Variants in MAP2K1 observed in about 807,000 individuals in gnomAD.
The protein encoded by MAP2K1 is mitogen-activated protein kinase kinase 1.
In MAP2K1, 16 loss-of-function variants were observed where a neutral mutation model predicts 46.3. The observed-to-expected ratio is 0.35, with a 90% CI of 0.23 to 0.52. MAP2K1 has a LOEUF of 0.52. Ranked by LOEUF, MAP2K1 falls within the 20% of genes least tolerant of loss-of-function variation. The probability of loss-of-function intolerance (pLI) is 0.94; values close to 1 mark genes in which losing one functional copy is unlikely to be tolerated. For synonymous variants in MAP2K1, 183 were observed against 185.6 expected, an observed-to-expected ratio of 0.99 and a Z score of 0.11; for missense variants, 263 against 497.1, an observed-to-expected ratio of 0.53 and a Z score of 4.48.
Position 66,435,155 on chromosome 15 carries a change from A to G in MAP2K1, c.209A>G (p.Lys70Arg), listed in dbSNP as rs2140579433. ...VGELKDDDFE[K>R]ISELGAGNGG... ...GAACTGAAGGATGACGACTTTGAGAAGATCAGTGAGCTGGGGGCTGGCAAT... is the reference window on the plus strand; with the variant it reads ...GAACTGAAGGATGACGACTTTGAGAGGATCAGTGAGCTGGGGGCTGGCAAT... Residue 70 changes from lysine (K) to arginine (R), a missense_variant, in exon 2 of 11, where the codon AAG becomes AGG. This residue lies in a region of MAP2K1 where 103 missense variants were observed against 221.6 expected (regional missense o/e 0.46). Coordinates refer to ENST00000307102, the MANE Select transcript of MAP2K1 (RefSeq NM_002755.4). 3.1e-6 allele frequency: 5 copies of G among 1,614,124 alleles called. No individual in the cohort carries two copies. The highest frequency in any genetic ancestry group is 4.2e-6 in the Non-Finnish European group (5 of 1,180,014).
At chr15:66,468,061 C>G (rs1021321170) in intron 5 of MAP2K1, among the ~76,000 whole-genome samples, 1 of 152,206 alleles carries the variant, frequency 6.6e-6, no homozygotes, top group African/African-American at 2.4e-5. Flanking sequence ...GCTTATCTAT[C>G]AAAGATTTTA....
At chr15:66,392,254 G>T (rs899266594) in intron 1 of MAP2K1, among the ~76,000 whole-genome samples, 2 of 79,676 alleles carry the variant, frequency 2.5e-5, no homozygotes, top group Non-Finnish European at 2.2e-5. Flanking sequence ...GTTTTTTTTG[G>T]GTTTTTTTTT....
At chr15:66,391,434 G>A (rs929828322) in intron 1 of MAP2K1, among the ~76,000 whole-genome samples, 3 of 152,050 alleles carry the variant, frequency 2.0e-5, no homozygotes, top group Non-Finnish European at 2.9e-5. Context: ...GACTACAGGC[G>A]CCCACCACTG....
intron 5 of MAP2K1, among the ~76,000 whole-genome samples, chr15:66,467,344 A>G (rs1177450422): frequency 6.6e-6 from 1 of 152,216 alleles, no homozygotes; most frequent in East Asian, 1.9e-4. Context: ...GTCCTTGTTC[A>G]TTCCTGGGCA....
intron 6 of MAP2K1, among the ~76,000 whole-genome samples, chr15:66,483,119 T>TG (rs1319680316): frequency 6.6e-6 from 1 of 152,198 alleles, no homozygotes; most frequent in Non-Finnish European, 1.5e-5. Flanking sequence ...GAAAGCTAGC[T>TG]GCCCCCTTGC....
At chr15:66,388,397 C>T (rs1037805278) in intron 1 of MAP2K1, among the ~76,000 whole-genome samples, 4 of 152,066 alleles carry the variant, frequency 2.6e-5, no homozygotes, top group Non-Finnish European at 5.9e-5. Flanking sequence ...TTGTTGTTTG[C>T]CCAACCTTCA....
In MAP2K1 at chr15:66,420,771, ATATATG is replaced by A. The variant is rs1567003051; in HGVS notation, c.81-14254_81-14249del. Among the ~76,000 whole-genome samples the A allele has an allele frequency of 4.4e-3, 96 of 21,812 alleles. 6 individuals carry two copies. Among genetic ancestry groups the A allele is most frequent in the South Asian group, 0.013 (4 of 308 alleles). 14.3% of individuals were successfully genotyped at this position (21,812 alleles called of 152,430 possible). On this transcript the variant is annotated intron_variant, in intron 1 of 10. Coordinates refer to ENST00000307102, the MANE Select transcript of MAP2K1 (RefSeq NM_002755.4). Reference sequence around the variant, plus strand: ...TGTGTGTGTGTGTGTATGTGTGTATATATATGTGTATATATATGTGTGTATATATAT... The same window carrying A: ...TGTGTGTGTGTGTGTATGTGTGTATATGTATATATATGTGTGTATATATAT...
At chr15:66,423,473 C>G (rs1465309673) in intron 1 of MAP2K1, among the ~76,000 whole-genome samples, 1 of 149,016 alleles carries the variant, frequency 6.7e-6, no homozygotes, top group Non-Finnish European at 1.5e-5. Flanking sequence ...GAGTCTCACT[C>G]TTTTCACCCA....
intron 1 of MAP2K1, among the ~76,000 whole-genome samples, chr15:66,388,651 A>G (rs2093348921): frequency 1.3e-5 from 2 of 152,138 alleles, no homozygotes; most frequent in Admixed American, 1.3e-4. Flanking sequence ...GATTACAGGC[A>G]TGAGCCACTA....
intron 4 of MAP2K1, among the ~76,000 whole-genome samples, chr15:66,443,695 A>T (rs1333184261): frequency 3.3e-5 from 5 of 151,762 alleles, no homozygotes; most frequent in Non-Finnish European, 7.4e-5. Flanking sequence ...ACATGATGAG[A>T]CCTCGCTTCT....
At chr15:66,442,178 C>T (rs2093505986) in intron 3 of MAP2K1, among the ~76,000 whole-genome samples, 1 of 152,148 alleles carries the variant, frequency 6.6e-6, no homozygotes, top group South Asian at 2.1e-4. Flanking sequence ...TCTTGTTTGT[C>T]TCCCTCAGCT....
chr15:66,443,467 A>G (rs918671298), intron 4 of MAP2K1, 110 bp downstream of exon 4: 2 of 739,182 alleles, frequency 2.7e-6, no homozygotes, highest in African/African-American at 1.7e-5. Flanking sequence ...AAAGTTTATA[A>G]GAAAAGTGGT....
intron 5 of MAP2K1, among the ~76,000 whole-genome samples, chr15:66,450,012 A>G (rs1301978054): frequency 1.5e-5 from 2 of 132,500 alleles, no homozygotes; most frequent in East Asian, 2.2e-4. Flanking sequence ...GTAATCCAGC[A>G]TATAAACAGA....
intron 1 of MAP2K1, among the ~76,000 whole-genome samples, chr15:66,431,450 GA>G (rs886803924): frequency 4.8e-4 from 72 of 149,472 alleles, no homozygotes; most frequent in African/African-American, 1.2e-3. Flanking sequence ...TTCATTCTCT[GA>G]AAAAAAAAAT....
At chr15:66,448,449 G>A (rs1891938657) in intron 5 of MAP2K1, among the ~76,000 whole-genome samples, 1 of 152,196 alleles carries the variant, frequency 6.6e-6, no homozygotes, top group African/African-American at 2.4e-5. Context: ...AGCTAGGTGG[G>A]CTGTGTAGAA....
At position 66,387,440 on chromosome 15, in the gene MAP2K1, C is replaced by T. The variant is rs1595831286; in HGVS notation, c.80+13C>T. 1 of 1,552,860 alleles carries T rather than the reference C, an allele frequency of 6.4e-7. No individual in the cohort carries two copies. Among genetic ancestry groups the T allele is most frequent in the Non-Finnish European group, 8.7e-7 (1 of 1,147,606 alleles). ...CCAGCTCTGCGGAGTAAGTATGGGG[C>T]GGGCGGTGAACCTCGGGGCCCGGCT... On this transcript the variant is annotated intron_variant, in intron 1 of 10. Coordinates refer to ENST00000307102, the MANE Select transcript of MAP2K1 (RefSeq NM_002755.4).
chr15:66,413,737 A>G (rs950079090), intron 1 of MAP2K1, among the ~76,000 whole-genome samples: 5 of 152,132 alleles, frequency 3.3e-5, no homozygotes, highest in Admixed American at 6.5e-5. Context: ...ATTGCAAGGC[A>G]TTGTGACACA....
intron 5 of MAP2K1, among the ~76,000 whole-genome samples, chr15:66,461,926 G>A (rs1892333106): frequency 6.6e-6 from 1 of 152,128 alleles, no homozygotes; most frequent in South Asian, 2.1e-4. Context: ...TCCATCTCCT[G>A]GAACTGTCCT....
At chr15:66,395,570 A>T (rs1396671070) in intron 1 of MAP2K1, among the ~76,000 whole-genome samples, 3 of 114,820 alleles carry the variant, frequency 2.6e-5, no homozygotes, top group Admixed American at 1.2e-4. Context: ...ACTTTCTTGC[A>T]TGATTTTTTT....
Sources: allele counts gnomAD v4.1 joint callset (sites outside exome capture counted in the v4.1 genomes callset), GRCh38; gene constraint gnomAD v4.1.1; regional missense constraint gnomAD v4.1.1; transcripts MANE v1.5; gene names NCBI Gene and HGNC (gene_info 2026-07-23, HGNC 2026-07-21).